The following RNF126 variants were observed in gnomAD, a reference collection of about 807,000 sequenced individuals.
The protein encoded by RNF126 is ring finger protein 126, also known as E3 ubiquitin-protein ligase RNF126.
Under a neutral mutation model 41.9 loss-of-function variants are expected in RNF126, and 20 were observed. That is an observed-to-expected ratio of 0.48 (90% CI 0.34 to 0.69). The LOEUF (loss-of-function observed/expected upper bound fraction) is 0.69. RNF126 is among the 30% of genes least tolerant of loss of function. The pLI is 0.01. For synonymous variants in RNF126, 239 were observed against 202.9 expected (o/e 1.18, Z -1.51); for missense variants, 433 against 460.6 (o/e 0.94, Z 0.55).
chr19:662,994 C>A, intron 1 of RNF126, 53 bp downstream of exon 1: 2 of 996,230 alleles, frequency 2.0e-6, no homozygotes, highest in South Asian at 2.6e-5. Context: ...CCCGGCCTTG[C>A]CTCAGGCCTG....
At position 647,783 on chromosome 19, in the gene RNF126, C is replaced by T. The variant is rs573340057; in HGVS notation, c.*345G>A. On this transcript the variant is annotated 3_prime_UTR_variant, in exon 9 of 9. Coordinates refer to ENST00000292363, the MANE Select transcript of RNF126 (RefSeq NM_194460.3). ...GGGGGAGCCGCTGGGCCCCGTCTTC[C>T]GCCACAAACCATGCATGGCCGCCAC... is the stretch of plus-strand genomic sequence containing the variant. 1.5e-4 allele frequency: 56 copies of T among 374,820 alleles called. 1 individual carries two copies. The highest frequency in any genetic ancestry group is 9.3e-4 in the Middle Eastern group (1 of 1,070). The allele number at this position is 374,820 out of a possible 1,614,324, so 23.2% of individuals were successfully genotyped here. A position where few individuals can be genotyped will look rare whatever the true frequency, so the allele number is the denominator to read the frequency against.
intron 1 of RNF126, among the ~76,000 whole-genome samples, chr19:656,887 C>T (rs1296205141): frequency 6.6e-6 from 1 of 152,218 alleles, no homozygotes; most frequent in Non-Finnish European, 1.5e-5. Flanking sequence ...ATCGGGGCTC[C>T]TCTGGGCTCA....
Position 659,227 on chromosome 19 carries a change from G to A in RNF126, c.75+3820C>T, listed in dbSNP as rs967785229. Among the ~76,000 whole-genome samples, 2 of 152,102 alleles carry A rather than the reference G, an allele frequency of 1.3e-5. No individual in the cohort carries two copies. The highest frequency in any genetic ancestry group is 2.9e-5 in the Non-Finnish European group (2 of 68,006). ...GACCCAGGCCGTCTTCTGAAGACTCGGGCCAGGCCGCCGCAGGGACCAGGA... is the reference window on the plus strand; with the variant it reads ...GACCCAGGCCGTCTTCTGAAGACTCAGGCCAGGCCGCCGCAGGGACCAGGA... On this transcript the variant is annotated intron_variant, in intron 1 of 8. Coordinates refer to ENST00000292363, the MANE Select transcript of RNF126 (RefSeq NM_194460.3). The surrounding 1 kb of genome is among the most constrained non-coding windows in gnomAD (Gnocchi z 4.9).
chr19:649,741 G>A lies in RNF126; in HGVS notation c.514C>T (p.Leu172=), dbSNP rs546219535. ...GCGTAGTCCATAGGGTTTGAGTGCA[G>A]GACTCCCCTGGAGGTGGAAGGTGGG... ...TIPSLGPWGV[L]HSNPMDYAWG... The change falls in exon 6 of 9, where the codon CTG becomes TTG. Residue 172 remains leucine (L), a synonymous_variant. Coordinates refer to ENST00000292363, the MANE Select transcript of RNF126 (RefSeq NM_194460.3). 139 of 1,564,632 alleles carry A rather than the reference G, an allele frequency of 8.9e-5. No individual in the cohort carries two copies. The East Asian group carries it at 1.1e-3, about 13-fold the overall frequency.
chr19:655,685 T>C (rs916835317), intron 1 of RNF126, among the ~76,000 whole-genome samples: 4 of 151,834 alleles, frequency 2.6e-5, no homozygotes, highest in Non-Finnish European at 5.9e-5. Context: ...AGCTAGAACT[T>C]TCACTCCAGG....
At chr19:662,326 C>T (rs561526802) in intron 1 of RNF126, among the ~76,000 whole-genome samples, 1 of 152,170 alleles carries the variant, frequency 6.6e-6, no homozygotes, top group Non-Finnish European at 1.5e-5. Flanking sequence ...AAGTAGCACT[C>T]GGCACGCCCA....
Position 651,747 on chromosome 19 carries a change from C to G in RNF126, c.307G>C (p.Asp103His). Residue 103 changes from aspartate to histidine, a missense_variant, in exon 4 of 9, where the codon GAC (aspartate) becomes CAC (histidine). This residue lies in a region of RNF126 where 247 missense variants were observed against 224.7 expected (regional missense o/e 1.10). Coordinates refer to ENST00000292363, the MANE Select transcript of RNF126 (RefSeq NM_194460.3). ...IPTFPPGAQA[D>H]DGRDPESRRE... is the part of the protein sequence containing the mutation. ...CGGCTCTCAGGGTCCCTGCCGTCGTCAGCCTGCGCCCCAGGAGGGAACGTG... is the reference window on the plus strand; with the variant it reads ...CGGCTCTCAGGGTCCCTGCCGTCGTGAGCCTGCGCCCCAGGAGGGAACGTG... The G allele has an allele frequency of 6.2e-7, 1 of 1,612,552 alleles. No homozygotes were observed.
intron 1 of RNF126, among the ~76,000 whole-genome samples, chr19:656,089 C>G (rs62134275): frequency 4.6e-5 from 7 of 151,962 alleles, no homozygotes; most frequent in Non-Finnish European, 8.8e-5. Context: ...CTTTTTGCAG[C>G]TGTGAGAATG....
In RNF126 at chr19:648,460, T is replaced by C; in HGVS notation, c.698A>G (p.Lys233Arg). ...ACGCTCACCCAGCGCGTAGTCGTCC[T>C]TGCACACAGGGCACTCGAGCCCGGA... ...VGSGLECPVCKDDYALGERVR... is the reference protein window; with the variant it reads ...VGSGLECPVCRDDYALGERVR... The change falls in exon 8 of 9, where the codon AAG becomes AGG. Residue 233 changes from lysine to arginine, a missense_variant. By Grantham distance (26) the Lys-to-Arg change is conservative. This residue lies in a region of RNF126 where 97 missense variants were observed against 121.7 expected (regional missense o/e 0.80). Coordinates refer to ENST00000292363, the MANE Select transcript of RNF126 (RefSeq NM_194460.3). The C allele has an allele frequency of 1.3e-6, 2 of 1,587,908 alleles. No homozygotes were observed. The highest frequency in any genetic ancestry group is 8.5e-7 in the Non-Finnish European group (1 of 1,170,500).
rs768003782 is a variant in RNF126 at position 651,822 on chromosome 19, C to A, written c.232G>T (p.Gly78Cys). 1 of 1,612,070 alleles carries A rather than the reference C, an allele frequency of 6.2e-7. No homozygotes were observed. Among genetic ancestry groups the A allele is most frequent in the Non-Finnish European group, 8.5e-7 (1 of 1,179,580 alleles). The change falls in exon 4 of 9, where the codon GGC becomes TGC. Residue 78 changes from glycine to cysteine, a missense_variant. Coordinates refer to ENST00000292363, the MANE Select transcript of RNF126 (RefSeq NM_194460.3). ...ATGCCGAAAGCAAACTGTCCGTAGC[C>A]CTGCGGCAGCGTGAACAGGTGCTGG... The part of the protein sequence containing the change: ...VDQHLFTLPQ[G>C]YGQFAFGIFD...
At chr19:648,622 C>G (rs564782804) in intron 7 of RNF126, 135 bp from the exon 8 acceptor site, 2 of 739,206 alleles carry the variant, frequency 2.7e-6, no homozygotes, top group East Asian at 2.7e-5. Context: ...GTGTGTCCCC[C>G]GGGCTGCCAG....
intron 1 of RNF126, among the ~76,000 whole-genome samples, chr19:661,830 A>G (rs2030816373): frequency 2.0e-5 from 3 of 152,186 alleles, no homozygotes; most frequent in Admixed American, 2.0e-4. Flanking sequence ...CCCTGGGCAC[A>G]GGGTGGGGAG....
chr19:656,299 A>G (rs923872432), intron 1 of RNF126, among the ~76,000 whole-genome samples: 2 of 152,052 alleles, frequency 1.3e-5, no homozygotes, highest in African/African-American at 4.8e-5. Context: ...GCAGTGAGCC[A>G]AGATTGCAGC....
At chr19:650,812 CA>C (rs1185362392) in intron 4 of RNF126, among the ~76,000 whole-genome samples, 4 of 151,908 alleles carry the variant, frequency 2.6e-5, no homozygotes, top group Non-Finnish European at 4.4e-5. Context: ...AGGCTGGTCT[CA>C]AACTCCTGAC....
rs747910372 is a variant in RNF126, at chr19:648,122, G to C, written c.*6C>G. 3 of 1,570,842 alleles carry C rather than the reference G, an allele frequency of 1.9e-6. No homozygotes were observed. The highest frequency in any genetic ancestry group is 2.6e-6 in the Non-Finnish European group (3 of 1,154,064). On this transcript the variant is annotated 3_prime_UTR_variant, in exon 9 of 9. Coordinates refer to ENST00000292363, the MANE Select transcript of RNF126 (RefSeq NM_194460.3). The stretch of plus-strand genomic sequence containing the variant: ...GCCCCGTGCTTTCCCGACGGCCGAC[G>C]TGGGCTCACGAGTTGCTTGTGGCGT...
rs572984590 is a variant in RNF126 at position 652,133 on chromosome 19, C to T, written c.198+100G>A. 3.0e-4 allele frequency: 312 copies of T among 1,042,868 alleles called. 1 individual carries two copies. Among genetic ancestry groups the T allele is most frequent in the South Asian group, 2.5e-3 (143 of 56,588 alleles). 64.6% of individuals were successfully genotyped at this position (1,042,868 alleles called of 1,614,324 possible). On this transcript the variant is annotated intron_variant, in intron 3 of 8. Coordinates refer to ENST00000292363, the MANE Select transcript of RNF126 (RefSeq NM_194460.3). ...GGAGGGAAAAATTTCCTCCGCCGTG[C>T]GGGCAGGGAGAGCCGGGGAGGCGAG...
intron 4 of RNF126, chr19:651,238 C>A: frequency 5.8e-6 from 1 of 173,458 alleles, no homozygotes. Flanking sequence ...GAGTGGGGCC[C>A]TGCGACGGCT....
Position 648,485 on chromosome 19 carries a change from A to C in RNF126, c.673T>G (p.Ser225Ala). 6.4e-7 allele frequency: 1 copy of C among 1,567,090 alleles called. No homozygotes were observed. The highest frequency in any genetic ancestry group is 8.6e-7 in the Non-Finnish European group (1 of 1,160,524). The change falls in exon 8 of 9, where the codon TCC (serine) becomes GCC (alanine). Residue 225 changes from serine to alanine, a missense_variant and splice_region_variant. Physicochemically the swap from Ser to Ala is moderately conservative, Grantham distance 99. This residue lies in a region of RNF126 where 97 missense variants were observed against 121.7 expected (regional missense o/e 0.80). Coordinates refer to ENST00000292363, the MANE Select transcript of RNF126 (RefSeq NM_194460.3). The part of the protein sequence containing the change: ...TVPVTEEHVG[S>A]GLECPVCKDD... ...TTGCACACAGGGCACTCGAGCCCGG[A>C]GCCTGCGGGAGTGTGCAGCTGCGGT...
intron 3 of RNF126, 115 bp downstream of exon 3, chr19:652,118 A>G: frequency 1.0e-6 from 1 of 958,600 alleles, no homozygotes; most frequent in Non-Finnish European, 1.5e-6. Context: ...GGAGGGAAAA[A>G]TTTCCTCCGC....
Sources: allele counts gnomAD v4.1 joint callset (sites outside exome capture counted in the v4.1 genomes callset), GRCh38; gene constraint gnomAD v4.1.1; regional missense constraint gnomAD v4.1.1; non-coding constraint Gnocchi (gnomAD v3.1); transcripts MANE v1.5; gene names NCBI Gene and HGNC (gene_info 2026-07-23, HGNC 2026-07-21).